The following CRLF2 variants were observed in gnomAD, a reference collection of about 807,000 sequenced individuals.
CRLF2 encodes cytokine receptor-like factor 2.
A neutral mutation model predicts 38.7 loss-of-function variants in CRLF2; 41 were observed. The ratio of observed to expected loss-of-function variants is 1.06; its 90% confidence interval spans 0.83 to 1.37. The LOEUF is 1.37. Ranked by LOEUF, CRLF2 falls within the 40% of genes most tolerant of loss-of-function variation. The pLI is 0.00. For synonymous variants in CRLF2, 140 were observed against 128.8 expected (o/e 1.09, Z -0.59); for missense variants, 377 against 322.2 (o/e 1.17, Z -1.30).
intron 4 of CRLF2, 87 bp downstream of exon 4, chrX:1,202,315 C>T: frequency 2.7e-6 from 4 of 1,479,888 alleles, no homozygotes; most frequent in Non-Finnish European, 3.7e-6. Flanking sequence ...CAGAGGGGAG[C>T]GAGGTCTGAT....
chrX:1,206,977 G>A (rs1407369284), intron 2 of CRLF2, among the ~76,000 whole-genome samples: 3 of 125,206 alleles, frequency 2.4e-5, no homozygotes, highest in Admixed American at 1.9e-4. Context: ...ATGGTGTCTC[G>A]CTCTGTCCCT....
intron 7 of CRLF2, among the ~76,000 whole-genome samples, chrX:1,192,697 C>CTCTTTCT (rs1226257611): frequency 4.3e-5 from 5 of 117,166 alleles, no homozygotes; most frequent in Non-Finnish European, 5.5e-5. Flanking sequence ...CTTTCTTTTT[C>CTCTTTCT]TTTTCTTTTC....
chrX:1,191,453 C>G (rs1296638281), intron 7 of CRLF2, among the ~76,000 whole-genome samples: 2 of 151,374 alleles, frequency 1.3e-5, no homozygotes, highest in Non-Finnish European at 2.9e-5. Context: ...GCCCTCTCAT[C>G]TGGGAGGTCT....
Position 1,206,567 on chromosome X carries a change from G to A in CRLF2, c.215C>T (p.Thr72Ile), listed in dbSNP as rs769141083. The change falls in exon 3 of 8, where the codon ACC (threonine) becomes ATC (isoleucine). Residue 72 changes from threonine to isoleucine, a missense_variant. Physicochemically the swap from Thr to Ile is moderately conservative, Grantham distance 89. Coordinates refer to ENST00000400841, the MANE Select transcript of CRLF2 (RefSeq NM_022148.4). ...GTGACCTTCCTGGAGAAGGTAGTTG[G>A]TGCACTGGTCATAGGCCTCATCACC... ...FNGDEAYDQC[T>I]NYLLQEGHTS... 6.2e-7 allele frequency: 1 copy of A among 1,613,638 alleles called. No homozygotes were observed. Among genetic ancestry groups the A allele is most frequent in the Non-Finnish European group, 8.5e-7 (1 of 1,179,632 alleles).
chrX:1,206,128 A>C (rs184943924), intron 3 of CRLF2, among the ~76,000 whole-genome samples: 1 of 152,104 alleles, frequency 6.6e-6, no homozygotes, highest in Non-Finnish European at 1.5e-5. Context: ...GTAATCATGG[A>C]TCCGACGATT....
chrX:1,204,559 C>A (rs1395032323), intron 3 of CRLF2, among the ~76,000 whole-genome samples: 2 of 149,194 alleles, frequency 1.3e-5, no homozygotes, highest in Non-Finnish European at 3.0e-5. Flanking sequence ...ATTTATAAAT[C>A]GCCCAGGCTG....
At chrX:1,201,513 G>A (rs146872386) in intron 4 of CRLF2, among the ~76,000 whole-genome samples, 2 of 84,378 alleles carry the variant, frequency 2.4e-5, no homozygotes, top group Non-Finnish European at 5.1e-5. Flanking sequence ...ATAGATGATA[G>A]AGCGATGAGA....
intron 1 of CRLF2, among the ~76,000 whole-genome samples, chrX:1,211,446 T>G (rs2086799277): frequency 7.4e-6 from 1 of 135,598 alleles, no homozygotes; most frequent in Admixed American, 7.4e-5. Context: ...GATGGATGTA[T>G]TGGTGGATGG....
chrX:1,198,756 CA>C, intron 4 of CRLF2, 32 bp from the exon 5 acceptor site: 1 of 1,365,764 alleles, frequency 7.3e-7, no homozygotes, highest in Non-Finnish European at 1.0e-6. Flanking sequence ...CACACACACA[CA>C]CACACACACA....
intron 2 of CRLF2, among the ~76,000 whole-genome samples, chrX:1,208,178 C>T (rs1341660218): frequency 2.6e-5 from 4 of 152,166 alleles, no homozygotes; most frequent in Non-Finnish European, 5.9e-5. Context: ...GAGTCTTTCC[C>T]TCCCCGGCTG....
intron 4 of CRLF2, among the ~76,000 whole-genome samples, chrX:1,200,058 T>C (rs1324163505): frequency 8.4e-6 from 1 of 119,674 alleles, no homozygotes; most frequent in Non-Finnish European, 1.8e-5. Context: ...TGTGTGTATA[T>C]AAGGTGTGTA....
rs1256843059 is a variant in CRLF2 at position 1,196,831 on chromosome X, G to A, written c.716C>T (p.Ala239Val). 1 of 1,613,506 alleles carries A rather than the reference G, an allele frequency of 6.2e-7. No homozygotes were observed. Among genetic ancestry groups the A allele is most frequent in the Non-Finnish European group, 8.5e-7 (1 of 1,179,544 alleles). Residue 239 changes from alanine (A) to valine (V), a missense_variant, in exon 6 of 8, where the codon GCC (alanine) becomes GTC (valine). By Grantham distance (64) the Ala-to-Val change is moderately conservative. Transcript: ENST00000400841. ...GAGGAGAGACACCATCAGAAGGATG[G>A]CCAGGCTGGAAATTAAAATAAATTT... ...LSKFILISSL[A>V]ILLMVSLLLL...
chrX:1,206,842 C>T (rs1448543330), intron 2 of CRLF2, among the ~76,000 whole-genome samples: 2 of 151,400 alleles, frequency 1.3e-5, no homozygotes, highest in African/African-American at 4.9e-5. Flanking sequence ...AGGGTTTCAC[C>T]ATGTTGGGGC....
rs1425395985 is a variant in CRLF2, at chrX:1,192,724, C to CTT, written c.852+492_852+493dup. Among the ~76,000 whole-genome samples, 5 of 65,660 alleles carry CTT rather than the reference C, an allele frequency of 7.6e-5. No individual in the cohort carries two copies. In the East Asian group the frequency reaches 1.2e-3, roughly 16 times the overall value. The allele number at this position is 65,660 out of a possible 152,430, so 43.1% of individuals were successfully genotyped here. The stretch of plus-strand genomic sequence containing the variant: ...TTTCTTTTCTTTTCTTTCTTTCTTT[C>CTT]TTTCTTTCTTTCTTTCTTTCTTTCT... On this transcript the variant is annotated intron_variant, in intron 7 of 7. Transcript: ENST00000400841.
At chrX:1,212,488 A>T in intron 1 of CRLF2, 68 bp downstream of exon 1, 1 of 1,052,096 alleles carries the variant, frequency 9.5e-7, no homozygotes, top group East Asian at 2.4e-5. Flanking sequence ...TTACAAAATA[A>T]AGAGTGCCTG....
intron 5 of CRLF2, among the ~76,000 whole-genome samples, chrX:1,198,014 A>T (rs1403702222): frequency 6.6e-6 from 1 of 152,008 alleles, no homozygotes; most frequent in African/African-American, 2.4e-5. Context: ...AACAAAAGAA[A>T]GAAAACTCTC....
rs1357442501 is a variant in CRLF2, at chrX:1,192,160, C to A, written c.853-1000G>T. Among the ~76,000 whole-genome samples the A allele has an allele frequency of 2.4e-3, 326 of 135,518 alleles. 1 individual carries two copies. The highest frequency in any genetic ancestry group is 4.8e-3 in the South Asian group (20 of 4,204). The allele number at this position is 135,518 out of a possible 152,430, so 88.9% of individuals were successfully genotyped here. ...GTGGAGCTTGCAGTGAGCCGAGATCCCGCCACTGCACTCCAGCCTGGGCGA... is the reference window on the plus strand; with the variant it reads ...GTGGAGCTTGCAGTGAGCCGAGATCACGCCACTGCACTCCAGCCTGGGCGA... On this transcript the variant is annotated intron_variant, in intron 7 of 7. Coordinates refer to ENST00000400841, the MANE Select transcript of CRLF2 (RefSeq NM_022148.4).
In CRLF2 at chrX:1,206,506, G is replaced by T. The variant is rs1176524694; in HGVS notation, c.276C>A (p.Asp92Glu). 6.2e-7 allele frequency: 1 copy of T among 1,613,524 alleles called. No individual in the cohort carries two copies. The highest frequency in any genetic ancestry group is 1.3e-5 in the African/African-American group (1 of 75,022). ...TCCTGATGGAGAAATAGAGAATGTC[G>T]TCTCGCTGCTCTGCGTCTAGGAGGC... is the stretch of plus-strand genomic sequence containing the variant. The part of the protein sequence containing the change: ...SGCLLDAEQR[D>E]DILYFSIRNG... Residue 92 changes from aspartate to glutamate, a missense_variant, in exon 3 of 8, where the codon GAC (aspartate) becomes GAA (glutamate). Coordinates refer to ENST00000400841, the MANE Select transcript of CRLF2 (RefSeq NM_022148.4).
intron 6 of CRLF2, among the ~76,000 whole-genome samples, chrX:1,193,697 G>C (rs1262201766): frequency 1.3e-5 from 2 of 150,712 alleles, no homozygotes; most frequent in Admixed American, 6.7e-5. Flanking sequence ...CTGGAGAATG[G>C]CGTGAACCCG....
Sources: allele counts gnomAD v4.1 joint callset (sites outside exome capture counted in the v4.1 genomes callset), GRCh38; gene constraint gnomAD v4.1.1; transcripts MANE v1.5; gene names NCBI Gene and HGNC (gene_info 2026-07-23, HGNC 2026-07-21).